G2E3: variants seen among roughly 807,000 people sequenced by gnomAD.
G2E3 encodes the protein G2/M phase-specific E3 ubiquitin-protein ligase.
Under a neutral mutation model 92.8 loss-of-function variants are expected in G2E3, and 35 were observed. The ratio of observed to expected loss-of-function variants is 0.38; its 90% confidence interval spans 0.29 to 0.50. The LOEUF (loss-of-function observed/expected upper bound fraction) is 0.50, where lower values mean the gene tolerates loss of function less well. Among genes scored for constraint, G2E3 ranks in the 20% least tolerant of loss-of-function variants. The probability of loss-of-function intolerance (pLI) is 0.94; values close to 1 mark genes in which losing one functional copy is unlikely to be tolerated. For synonymous variants in G2E3, 242 were observed against 272.4 expected (o/e 0.89, Z 1.10); for missense variants, 554 against 823.8 (o/e 0.67, Z 4.01).
intron 4 of G2E3, among the ~76,000 whole-genome samples, chr14:30,589,727 A>G (rs1028935368): frequency 1.3e-4 from 20 of 152,004 alleles, no homozygotes; most frequent in Admixed American, 7.2e-4. Context: ...TTATTCCAAC[A>G]TGTCCATCAG....
chr14:30,562,604 C>T (rs1182857992), intron 1 of G2E3, among the ~76,000 whole-genome samples: 2 of 151,916 alleles, frequency 1.3e-5, no homozygotes. Context: ...GGGAGTCTCC[C>T]TTTCCCCGGG....
chr14:30,572,217 ATTC>A (rs1166737361), intron 1 of G2E3, among the ~76,000 whole-genome samples: 2 of 152,120 alleles, frequency 1.3e-5, no homozygotes, highest in Non-Finnish European at 2.9e-5. Context: ...AAAGTCACTT[ATTC>A]TTATAAATAT....
At chr14:30,587,143 T>A (rs923887552) in intron 3 of G2E3, among the ~76,000 whole-genome samples, 1 of 152,236 alleles carries the variant, frequency 6.6e-6, no homozygotes, top group African/African-American at 2.4e-5. Context: ...CATTTGTTGC[T>A]AGTGATAAAT....
At chr14:30,614,062 T>C (rs1464823992) in intron 13 of G2E3, among the ~76,000 whole-genome samples, 1 of 152,116 alleles carries the variant, frequency 6.6e-6, no homozygotes, top group African/African-American at 2.4e-5. Context: ...ATATAAAATG[T>C]TTTATATAGT....
chr14:30,562,753 G>A (rs1361777027), intron 1 of G2E3, among the ~76,000 whole-genome samples: 1 of 152,172 alleles, frequency 6.6e-6, no homozygotes, highest in Non-Finnish European at 1.5e-5. Context: ...CTGCCTTCAT[G>A]TTCCATCCTG....
intron 13 of G2E3, among the ~76,000 whole-genome samples, chr14:30,614,751 A>G (rs995976776): frequency 6.6e-6 from 1 of 152,216 alleles, no homozygotes; most frequent in Non-Finnish European, 1.5e-5. Flanking sequence ...TTGCTTATTA[A>G]TGAAAATGTG....
At position 30,615,424 on chromosome 14, in the gene G2E3, G is replaced by A; in HGVS notation, c.1749G>A (p.Leu583=). 6.2e-7 allele frequency: 1 copy of A among 1,610,878 alleles called. No individual in the cohort carries two copies. Among genetic ancestry groups the A allele is most frequent in the Non-Finnish European group, 8.5e-7 (1 of 1,177,422 alleles). ...ATCCAGAAGCATTTTGTAGCATCCT[G>A]TGTCATAAACCTGAGAGTCTTTCTG... The part of the protein sequence containing the change: ...QAYPEAFCSI[L]CHKPESLSAK... The change falls in exon 14 of 15, where the codon CTG becomes CTA. Residue 583 remains leucine (L), a synonymous_variant. Transcript: ENST00000206595.
At chr14:30,612,166 A>C (rs752703523) in intron 12 of G2E3, 41 bp from the exon 13 acceptor site, 4 of 1,431,920 alleles carry the variant, frequency 2.8e-6, no homozygotes, top group Middle Eastern at 2.3e-4. Context: ...GTCACTCAAA[A>C]GTAAATGAGT....
At chr14:30,581,009 A>C (rs58049) in intron 1 of G2E3, 67 bp from the exon 2 acceptor site, 1 of 840,128 alleles carries the variant, frequency 1.2e-6, no homozygotes, top group African/African-American at 1.7e-5. Flanking sequence ...ATTGACTGCA[A>C]GTAATAAAAG....
Position 30,598,612 on chromosome 14 carries a change from G to A in G2E3, c.752+13G>A, listed in dbSNP as rs775339331. On this transcript the variant is annotated intron_variant, in intron 8 of 14. Coordinates refer to ENST00000206595, the MANE Select transcript of G2E3 (RefSeq NM_017769.5). ...ATGCACCTGATAGGTATTTCTGAAA[G>A]TTCAGTTGTGCTTAGTGGTTCCTTG... The A allele has an allele frequency of 6.8e-7, 1 of 1,479,728 alleles. No homozygotes were observed. Among genetic ancestry groups the A allele is most frequent in the Non-Finnish European group, 9.5e-7 (1 of 1,057,300 alleles). 91.7% of individuals were successfully genotyped at this position (1,479,728 alleles called of 1,614,324 possible). A position where few individuals can be genotyped will look rare whatever the true frequency, so the allele number is the denominator to read the frequency against.
chr14:30,573,098 G>T (rs1013358929), intron 1 of G2E3, among the ~76,000 whole-genome samples: 1 of 151,826 alleles, frequency 6.6e-6, no homozygotes, highest in African/African-American at 2.4e-5. Context: ...CTTTCAAGTA[G>T]CTGGGACTAC....
At chr14:30,590,402 T>A (rs867464656) in intron 4 of G2E3, 30 of 244,216 alleles carry the variant, frequency 1.2e-4, no homozygotes, top group South Asian at 9.3e-4. Flanking sequence ...GTAAATGTCA[T>A]TAGGCTCAAA....
chr14:30,577,223 CAAAAA>C (rs59757142), intron 1 of G2E3, among the ~76,000 whole-genome samples: 96 of 80,748 alleles, frequency 1.2e-3, no homozygotes, highest in African/African-American at 2.8e-3. Flanking sequence ...GACTCTGTCT[CAAAAA>C]AAAAAAAAAA....
intron 1 of G2E3, among the ~76,000 whole-genome samples, chr14:30,576,223 C>T (rs1414156134): frequency 3.9e-5 from 6 of 152,158 alleles, no homozygotes; most frequent in Admixed American, 1.3e-4. Flanking sequence ...CACACATCTA[C>T]AACCATCTGA....
At chr14:30,566,627 T>C (rs1056417195) in intron 1 of G2E3, among the ~76,000 whole-genome samples, 7 of 152,246 alleles carry the variant, frequency 4.6e-5, no homozygotes, top group Non-Finnish European at 7.3e-5. Context: ...CTAACAGTTT[T>C]TTGTGAATTC....
intron 1 of G2E3, chr14:30,574,568 C>G (rs1313939425): frequency 2.0e-5 from 3 of 152,104 alleles, no homozygotes; most frequent in Non-Finnish European, 4.4e-5. Context: ...GCTCCTCTCC[C>G]TCCTCCCACC....
chr14:30,601,968 A>G (rs748017950), intron 9 of G2E3, 31 bp from the exon 10 acceptor site: 48 of 1,607,258 alleles, frequency 3.0e-5, no homozygotes, highest in Admixed American at 1.7e-4. Context: ...CTATATCTCT[A>G]TTATGCTAAC....
chr14:30,566,043 G>C (rs1318843950), intron 1 of G2E3, among the ~76,000 whole-genome samples: 1 of 152,086 alleles, frequency 6.6e-6, no homozygotes, highest in Non-Finnish European at 1.5e-5. Context: ...TAATGGTCTT[G>C]GCACCCTTAT....
At chr14:30,569,046 C>T (rs1407620372) in intron 1 of G2E3, among the ~76,000 whole-genome samples, 2 of 152,030 alleles carry the variant, frequency 1.3e-5, no homozygotes, top group Non-Finnish European at 2.9e-5. Context: ...GATGATTTTC[C>T]AGAGAATATA....
Sources: allele counts gnomAD v4.1 joint callset (sites outside exome capture counted in the v4.1 genomes callset), GRCh38; gene constraint gnomAD v4.1.1; transcripts MANE v1.5; gene names NCBI Gene and HGNC (gene_info 2026-07-23, HGNC 2026-07-21).